Variants in DPY19L4 observed in about 807,000 individuals in gnomAD.
DPY19L4 encodes the protein dpy-19 like 4.
A neutral mutation model predicts 102.8 loss-of-function variants in DPY19L4; 97 were observed. That is an observed-to-expected ratio of 0.94 (90% confidence interval 0.80 to 1.12). The LOEUF (loss-of-function observed/expected upper bound fraction) is 1.12. DPY19L4 is among the 50% of genes most tolerant of loss of function. The probability of loss-of-function intolerance (pLI) is 0.00; values close to 1 mark genes in which losing one functional copy is unlikely to be tolerated. For missense variants in DPY19L4, 815 were observed against 850.4 expected (o/e 0.96, Z 0.52); for synonymous variants, 252 against 283.1 (o/e 0.89, Z 1.10).
At chr8:94,744,443 A>G in intron 6 of DPY19L4, 1 of 456,722 alleles carries the variant, frequency 2.2e-6, no homozygotes, top group Non-Finnish European at 4.4e-6. Flanking sequence ...TTATAACCTC[A>G]TCTTAGAAAT....
intron 13 of DPY19L4, among the ~76,000 whole-genome samples, chr8:94,776,546 A>C (rs1225048666): frequency 2.6e-5 from 4 of 151,770 alleles, no homozygotes; most frequent in African/African-American, 9.7e-5. Flanking sequence ...TTGCACATGA[A>C]GTTTTGCATT....
intron 12 of DPY19L4, among the ~76,000 whole-genome samples, chr8:94,768,769 A>C (rs1425097258): frequency 2.6e-5 from 4 of 152,018 alleles, no homozygotes; most frequent in Non-Finnish European, 5.9e-5. Flanking sequence ...CGAAGCGGGC[A>C]GATCGCAAGG....
rs201630367 is a variant in DPY19L4 at position 94,738,377 on chromosome 8, A to G, written c.261A>G (p.Glu87=). ...KFWFSNRQEL[E]REITFQGDSA... is the part of the protein sequence containing the mutation. ...ATTTCATTTTCTTTTAGGAGCTTGA[A>G]CGGGAAATCACGTTTCAGGGTGACA... The change falls in exon 4 of 19, where the codon GAA becomes GAG. Residue 87 remains glutamate, a synonymous_variant. Transcript: ENST00000414645. The G allele has an allele frequency of 2.6e-5, 40 of 1,519,164 alleles. No individual in the cohort carries two copies. Among genetic ancestry groups the G allele is most frequent in the Non-Finnish European group, 3.4e-5 (39 of 1,135,400 alleles). 94.1% of individuals were successfully genotyped at this position (1,519,164 alleles called of 1,614,324 possible).
intron 11 of DPY19L4, among the ~76,000 whole-genome samples, chr8:94,767,758 T>G (rs1314733623): frequency 6.6e-6 from 1 of 152,162 alleles, no homozygotes; most frequent in Non-Finnish European, 1.5e-5. Flanking sequence ...AGTAGGTCTA[T>G]CCAATAATAA....
intron 4 of DPY19L4, 146 bp from the exon 5 acceptor site, chr8:94,739,266 TA>T: frequency 1.0e-6 from 1 of 974,398 alleles, no homozygotes; most frequent in South Asian, 2.3e-5. Context: ...TTTATTGTGC[TA>T]AATTTTTAAA....
At chr8:94,787,450 A>C (rs1156924934) in intron 17 of DPY19L4, among the ~76,000 whole-genome samples, 1 of 152,164 alleles carries the variant, frequency 6.6e-6, no homozygotes, top group East Asian at 1.9e-4. Flanking sequence ...GACAGGTAGG[A>C]GGCAGCTACT....
rs1810689125 is a variant in DPY19L4 at position 94,726,360 on chromosome 8, A to G, written c.46A>G (p.Lys16Glu). The G allele has an allele frequency of 6.2e-7, 1 of 1,611,540 alleles. No homozygotes were observed. The highest frequency in any genetic ancestry group is 8.5e-7 in the Non-Finnish European group (1 of 1,179,488). ...ACCTGTAGAGCTGCGCCAAAGAAAAAAGCCAAAGTCTTCAGAAAATAAGGA... is the reference window on the plus strand; with the variant it reads ...ACCTGTAGAGCTGCGCCAAAGAAAAGAGCCAAAGTCTTCAGAAAATAAGGA... ...GPPVELRQRKKPKSSENKESA... is the reference protein window; with the variant it reads ...GPPVELRQRKEPKSSENKESA... Residue 16 changes from lysine (K) to glutamate (E), a missense_variant, in exon 2 of 19, where the codon AAG becomes GAG. Transcript: ENST00000414645.
At chr8:94,742,936 C>T (rs1333864167) in intron 6 of DPY19L4, among the ~76,000 whole-genome samples, 2 of 152,032 alleles carry the variant, frequency 1.3e-5, no homozygotes, top group African/African-American at 4.8e-5. Flanking sequence ...AACTCCTGAC[C>T]TCAGGTGACC....
intron 15 of DPY19L4, 118 bp downstream of exon 15, chr8:94,780,533 C>T: frequency 1.5e-6 from 1 of 651,588 alleles, no homozygotes; most frequent in Non-Finnish European, 2.2e-6. Flanking sequence ...TAAAATGTAA[C>T]ATTCTTAGTA....
At chr8:94,723,261 A>G (rs1402146353) in intron 1 of DPY19L4, among the ~76,000 whole-genome samples, 1 of 152,214 alleles carries the variant, frequency 6.6e-6, no homozygotes, top group Non-Finnish European at 1.5e-5. Flanking sequence ...TCACGAGGTC[A>G]GGAGTTTGAG....
intron 1 of DPY19L4, among the ~76,000 whole-genome samples, chr8:94,723,976 G>A (rs991869884): frequency 1.3e-5 from 2 of 152,270 alleles, no homozygotes; most frequent in Admixed American, 1.3e-4. Flanking sequence ...GTTTGTGTAA[G>A]TTGTACTTTT....
At chr8:94,727,158 C>T (rs1388732037) in intron 2 of DPY19L4, among the ~76,000 whole-genome samples, 2 of 152,088 alleles carry the variant, frequency 1.3e-5, no homozygotes, top group Admixed American at 1.3e-4. Flanking sequence ...CAGAACACCC[C>T]CATGTTTGGT....
rs1812622274 is a variant in DPY19L4, at chr8:94,765,297, C to T, written c.985C>T (p.Leu329Phe). ...PLLSLVAALM[L>F]AKCLQLNVKK... ...ATTAAGTTTAGTAGCAGCCTTAATGCTTGCTAAGTGCCTTCAGGTAACTAG... is the reference window on the plus strand; with the variant it reads ...ATTAAGTTTAGTAGCAGCCTTAATGTTTGCTAAGTGCCTTCAGGTAACTAG... The change falls in exon 9 of 19, where the codon CTT (leucine) becomes TTT (phenylalanine). Residue 329 changes from leucine (L) to phenylalanine (F), a missense_variant. Leu to Phe is a conservative substitution (Grantham distance 22, BLOSUM62 0). Transcript: ENST00000414645. The T allele has an allele frequency of 1.3e-6, 2 of 1,599,800 alleles. No individual in the cohort carries two copies. The highest frequency in any genetic ancestry group is 1.7e-6 in the Non-Finnish European group (2 of 1,176,582).
At chr8:94,723,899 T>C (rs1422780687) in intron 1 of DPY19L4, among the ~76,000 whole-genome samples, 1 of 152,208 alleles carries the variant, frequency 6.6e-6, no homozygotes, top group Admixed American at 6.6e-5. Flanking sequence ...ATTGCTAATA[T>C]AAGTTCTTGA....
intron 17 of DPY19L4, among the ~76,000 whole-genome samples, chr8:94,785,675 A>G (rs1323559488): frequency 1.3e-5 from 2 of 152,218 alleles, no homozygotes; most frequent in African/African-American, 4.8e-5. Context: ...GGCAGAAAGA[A>G]CAGATTGAAG....
At chr8:94,755,549 C>G (rs570529969) in intron 6 of DPY19L4, among the ~76,000 whole-genome samples, 1 of 152,080 alleles carries the variant, frequency 6.6e-6, no homozygotes, top group Non-Finnish European at 1.5e-5. Context: ...TTGGGGGCAG[C>G]GGGGGCTGGG....
chr8:94,764,252 C>G (rs926473474), intron 8 of DPY19L4, among the ~76,000 whole-genome samples: 3 of 152,082 alleles, frequency 2.0e-5, no homozygotes, highest in Non-Finnish European at 4.4e-5. Context: ...GCTTTTAAAG[C>G]TCTTTATTTT....
At chr8:94,734,962 G>T (rs1201999516) in intron 3 of DPY19L4, among the ~76,000 whole-genome samples, 1 of 152,146 alleles carries the variant, frequency 6.6e-6, no homozygotes, top group Non-Finnish European at 1.5e-5. Context: ...TCCCCTTTCT[G>T]CAATTAACTT....
At chr8:94,789,380 G>A (rs181686101) in intron 18 of DPY19L4, among the ~76,000 whole-genome samples, 10 of 152,244 alleles carry the variant, frequency 6.6e-5, no homozygotes, top group East Asian at 3.9e-4. Context: ...AATTCTACAC[G>A]AGAAGAGTGA....
Sources: gnomAD v4.1 joint callset for allele counts (sites outside exome capture counted in the v4.1 genomes callset) on GRCh38, gnomAD v4.1.1 for gene constraint, MANE v1.5 for transcripts, NCBI Gene and HGNC (gene_info 2026-07-23, HGNC 2026-07-21) for gene names.